GPR176: variants seen among roughly 807,000 people sequenced by gnomAD.
The protein encoded by GPR176 is G protein-coupled receptor 176, also known as G-protein coupled receptor 176.
A neutral mutation model predicts 35.4 loss-of-function variants in GPR176; 26 were observed. That is an observed-to-expected ratio of 0.74 (90% CI 0.54 to 1.02). The LOEUF (loss-of-function observed/expected upper bound fraction) is 1.02, where lower values mean the gene tolerates loss of function less well. Among genes scored for constraint, GPR176 ranks in the 50% least tolerant of loss-of-function variants. The probability of loss-of-function intolerance (pLI) is 0.00; values close to 1 mark genes in which losing one functional copy is unlikely to be tolerated. For synonymous variants in GPR176, 278 were observed against 271.3 expected (o/e 1.02, Z -0.24); for missense variants, 597 against 665.3 (o/e 0.90, Z 1.13).
In GPR176 at chr15:39,801,566, T is replaced by A. The variant is rs750891504; in HGVS notation, c.1114A>T (p.Met372Leu). 1 of 1,614,076 alleles carries A rather than the reference T, an allele frequency of 6.2e-7. No homozygotes were observed. Among genetic ancestry groups the A allele is most frequent in the African/African-American group, 1.3e-5 (1 of 75,032 alleles). Residue 372 changes from methionine to leucine, a missense_variant, in exon 3 of 3, where the codon ATG becomes TTG. Transcript: ENST00000561100. ...SIRSGSQLLE[M>L]FHIGQQQIFK... ...ATCTGCTGCTGCCCAATGTGGAACA[T>A]CTCCAGGAGCTGGCTACCCGAGCGT... is the stretch of plus-strand genomic sequence containing the variant.
intron 2 of GPR176, 97 bp downstream of exon 2, chr15:39,806,908 CA>C (rs1899225714): frequency 2.0e-6 from 2 of 1,018,508 alleles, no homozygotes; most frequent in South Asian, 3.4e-5. Context: ...GACTAAAAAG[CA>C]GTATACGGAA....
intron 1 of GPR176, among the ~76,000 whole-genome samples, chr15:39,820,106 G>C (rs1900169823): frequency 6.6e-6 from 1 of 152,188 alleles, no homozygotes; most frequent in Admixed American, 6.5e-5. Context: ...CTCTAGAGCA[G>C]ACCTCCTGTG....
chr15:39,837,974 A>G (rs1237283635), intron 1 of GPR176, among the ~76,000 whole-genome samples: 2 of 144,332 alleles, frequency 1.4e-5, no homozygotes, highest in Non-Finnish European at 3.0e-5. Context: ...CAACATACCA[A>G]CACCCCAACT....
chr15:39,834,224 A>T (rs1027340321), intron 1 of GPR176, among the ~76,000 whole-genome samples: 13 of 152,302 alleles, frequency 8.5e-5, no homozygotes, highest in African/African-American at 3.1e-4. Context: ...CCAGCTCTGA[A>T]TATTTCCAAT....
chr15:39,919,484 C>T (rs1349812296), intron 1 of GPR176, among the ~76,000 whole-genome samples: 1 of 152,110 alleles, frequency 6.6e-6, no homozygotes, highest in African/African-American at 2.4e-5. Context: ...GGTAACATTC[C>T]GTTCAATTAT....
intron 1 of GPR176, among the ~76,000 whole-genome samples, chr15:39,827,405 A>G (rs1270377469): frequency 3.3e-5 from 5 of 152,300 alleles, no homozygotes; most frequent in Non-Finnish European, 5.9e-5. Context: ...GAGGGGCGGC[A>G]TGAGGTTGTT....
intron 1 of GPR176, among the ~76,000 whole-genome samples, chr15:39,855,456 CATGT>C (rs1369244044): frequency 6.6e-6 from 1 of 152,156 alleles, no homozygotes; most frequent in African/African-American, 2.4e-5. Flanking sequence ...GCTTAGAGAT[CATGT>C]ATTTCCCAAG....
intron 1 of GPR176, among the ~76,000 whole-genome samples, chr15:39,866,819 G>T (rs1003803980): frequency 6.6e-6 from 1 of 152,278 alleles, no homozygotes; most frequent in East Asian, 1.9e-4. Context: ...AATGTGTGAA[G>T]AAATAAATCA....
At chr15:39,806,730 T>G (rs1445963970) in intron 2 of GPR176, among the ~76,000 whole-genome samples, 2 of 152,206 alleles carry the variant, frequency 1.3e-5, no homozygotes, top group African/African-American at 4.8e-5. Flanking sequence ...GCAACCAAGC[T>G]GAACTGACAC....
intron 2 of GPR176, among the ~76,000 whole-genome samples, chr15:39,803,060 G>A (rs1007279447): frequency 6.6e-6 from 1 of 152,156 alleles, no homozygotes; most frequent in African/African-American, 2.4e-5. Flanking sequence ...TATCACCAGT[G>A]ATTTGAGGGA....
At chr15:39,827,586 G>A (rs1225027392) in intron 1 of GPR176, among the ~76,000 whole-genome samples, 1 of 152,168 alleles carries the variant, frequency 6.6e-6, no homozygotes, top group African/African-American at 2.4e-5. Flanking sequence ...GGTCCCCTTG[G>A]CCAAAGAAGG....
chr15:39,844,998 C>T (rs2030315697), intron 1 of GPR176, among the ~76,000 whole-genome samples: 1 of 152,278 alleles, frequency 6.6e-6, no homozygotes, highest in South Asian at 2.1e-4. Context: ...GAGCCAGCTC[C>T]TCAGAGCATA....
intron 1 of GPR176, among the ~76,000 whole-genome samples, chr15:39,874,068 TGTAA>T (rs773710801): frequency 6.6e-6 from 1 of 152,364 alleles, no homozygotes; most frequent in East Asian, 1.9e-4. Context: ...AGAAGATGTC[TGTAA>T]GTCTCAAGTG....
At chr15:39,827,934 T>C (rs1447613041) in intron 1 of GPR176, among the ~76,000 whole-genome samples, 2 of 152,244 alleles carry the variant, frequency 1.3e-5, no homozygotes, top group Non-Finnish European at 2.9e-5. Context: ...AATTGTGGCA[T>C]GTCCCTATGG....
At chr15:39,861,681 A>G (rs2031598413) in intron 1 of GPR176, among the ~76,000 whole-genome samples, 1 of 152,232 alleles carries the variant, frequency 6.6e-6, no homozygotes, top group Non-Finnish European at 1.5e-5. Flanking sequence ...GTACTCTTAA[A>G]GAGTGACATA....
At chr15:39,856,246 C>T (rs1243860237) in intron 1 of GPR176, among the ~76,000 whole-genome samples, 3 of 152,208 alleles carry the variant, frequency 2.0e-5, no homozygotes, top group African/African-American at 7.2e-5. Context: ...ACACCTTTAC[C>T]ATACGCTGCT....
intron 1 of GPR176, among the ~76,000 whole-genome samples, chr15:39,863,370 AT>A (rs1205875804): frequency 6.6e-6 from 1 of 151,640 alleles, no homozygotes; most frequent in South Asian, 2.1e-4. Context: ...TTTTAAAATA[AT>A]TTTTTCTATT....
At chr15:39,804,587 A>G (rs1899081188) in intron 2 of GPR176, among the ~76,000 whole-genome samples, 1 of 152,114 alleles carries the variant, frequency 6.6e-6, no homozygotes, top group Non-Finnish European at 1.5e-5. Flanking sequence ...AACTGTTCAG[A>G]ATAATGTATT....
At chr15:39,895,283 G>GAGAGGA (rs2033075449) in intron 1 of GPR176, among the ~76,000 whole-genome samples, 1 of 10,214 alleles carries the variant, frequency 9.8e-5, no homozygotes. Context: ...AGACCGTGGG[G>GAGAGGA]AGAGGAAGAG....
Sources: allele counts gnomAD v4.1 joint callset (sites outside exome capture counted in the v4.1 genomes callset), GRCh38; gene constraint gnomAD v4.1.1; transcripts MANE v1.5; gene names NCBI Gene and HGNC (gene_info 2026-07-23, HGNC 2026-07-21).